The following ABHD17C variants were observed in gnomAD, a reference collection of about 807,000 sequenced individuals.
ABHD17C encodes alpha/beta hydrolase domain-containing protein 17C.
In ABHD17C, 11 loss-of-function variants were observed where a neutral mutation model predicts 27.9. The observed-to-expected ratio is 0.39, with a 90% CI of 0.25 to 0.65. The LOEUF is 0.65. ABHD17C is among the 30% of genes least tolerant of loss of function. The probability of loss-of-function intolerance (pLI) is 0.45; values close to 1 mark genes in which losing one functional copy is unlikely to be tolerated. For missense variants in ABHD17C, 280 were observed against 470.2 expected (o/e 0.60, Z 3.74); for synonymous variants, 233 against 209.1 (o/e 1.11, Z -0.98).
chr15:80,754,049 C>T, intron 2 of ABHD17C, 102 bp from the exon 3 acceptor site: 1 of 940,420 alleles, frequency 1.1e-6, no homozygotes, highest in Middle Eastern at 3.0e-4. Flanking sequence ...TGTTATTTCC[C>T]TGCCTGTGGA....
chr15:80,724,929 A>G (rs1238558656), intron 1 of ABHD17C, among the ~76,000 whole-genome samples: 1 of 152,190 alleles, frequency 6.6e-6, no homozygotes, highest in East Asian at 1.9e-4. Context: ...TTTTATTACA[A>G]ATCCTATCAA....
At chr15:80,738,452 C>T (rs778829216) in intron 1 of ABHD17C, among the ~76,000 whole-genome samples, 16 of 152,038 alleles carry the variant, frequency 1.1e-4, no homozygotes, top group Non-Finnish European at 1.3e-4. Flanking sequence ...GCAAACTGTG[C>T]GGGTTCACAA....
Position 80,754,390 on chromosome 15 carries a change from CCT to C in ABHD17C, c.*22_*23del. On this transcript the variant is annotated 3_prime_UTR_variant, in exon 3 of 3. Transcript: ENST00000258884. The stretch of plus-strand genomic sequence containing the variant: ...TCCTGAAGACAACAACTTGATCTTA[CCT>C]CATTTACTGTGAACAGAAGAGTCCT... 1 of 1,591,590 alleles carries C rather than the reference CCT, an allele frequency of 6.3e-7. No homozygotes were observed. The highest frequency in any genetic ancestry group is 1.8e-4 in the Middle Eastern group (1 of 5,660).
chr15:80,698,928 T>C (rs1443083681), intron 1 of ABHD17C, among the ~76,000 whole-genome samples: 15 of 152,324 alleles, frequency 9.8e-5, no homozygotes, highest in Non-Finnish European at 1.5e-5. Context: ...GTCATCTTCA[T>C]CTCTGTACTT....
At position 80,753,061 on chromosome 15, in the gene ABHD17C, T is replaced by C. The variant is rs114339299; in HGVS notation, c.771-1090T>C. On this transcript the variant is annotated intron_variant, in intron 2 of 2. Transcript: ENST00000258884. The stretch of plus-strand genomic sequence containing the variant: ...ATGAAATGGGGTGTGTATCTTTGAG[T>C]CAATTCTGATGGTAGCTTTCAGAAT... Among the ~76,000 whole-genome samples, 419 of 152,306 alleles carry C rather than the reference T, an allele frequency of 2.8e-3. 5 individuals are homozygous for C. Among genetic ancestry groups the C allele is most frequent in the African/African-American group, 9.8e-3 (406 of 41,576 alleles).
chr15:80,738,445 A>C (rs1194638322), intron 1 of ABHD17C, among the ~76,000 whole-genome samples: 1 of 152,140 alleles, frequency 6.6e-6, no homozygotes, highest in African/African-American at 2.4e-5. Context: ...TCATTGGGCA[A>C]ACTGTGCGGG....
chr15:80,744,806 C>G (rs1895260731), intron 1 of ABHD17C, among the ~76,000 whole-genome samples: 1 of 152,194 alleles, frequency 6.6e-6, no homozygotes, highest in South Asian at 2.1e-4. Context: ...GCTTTCAAGT[C>G]CCTTTTCCAT....
intron 1 of ABHD17C, among the ~76,000 whole-genome samples, chr15:80,702,505 C>A (rs1455717492): frequency 6.6e-6 from 1 of 152,146 alleles, no homozygotes; most frequent in Non-Finnish European, 1.5e-5. Context: ...TTTTCCCCTG[C>A]AGAAGTCACT....
At chr15:80,732,976 G>C (rs1483910283) in intron 1 of ABHD17C, among the ~76,000 whole-genome samples, 4 of 152,164 alleles carry the variant, frequency 2.6e-5, no homozygotes, top group Admixed American at 1.3e-4. Context: ...TACAAGTGCA[G>C]GAGAGAGGAT....
At chr15:80,736,539 T>C (rs747267072) in intron 1 of ABHD17C, among the ~76,000 whole-genome samples, 5 of 152,218 alleles carry the variant, frequency 3.3e-5, no homozygotes, top group Non-Finnish European at 5.9e-5. Context: ...AATTTTTATT[T>C]TTTTAATGTT....
intron 1 of ABHD17C, among the ~76,000 whole-genome samples, chr15:80,729,989 C>T (rs573066081): frequency 1.8e-3 from 267 of 152,106 alleles, no homozygotes; most frequent in African/African-American, 6.2e-3. Context: ...CTTGGTGGTG[C>T]GTGCCTATAA....
intron 1 of ABHD17C, among the ~76,000 whole-genome samples, chr15:80,748,104 G>C (rs1399857217): frequency 6.6e-6 from 1 of 152,166 alleles, no homozygotes; most frequent in Non-Finnish European, 1.5e-5. Flanking sequence ...CAGGTGTGGT[G>C]CTCTCCATAA....
intron 1 of ABHD17C, among the ~76,000 whole-genome samples, chr15:80,743,471 TG>T (rs1895237726): frequency 6.6e-6 from 1 of 152,226 alleles, no homozygotes; most frequent in Non-Finnish European, 1.5e-5. Context: ...ACAAAGGTCA[TG>T]CTGACTAGCA....
chr15:80,716,921 A>G (rs1270745131), intron 1 of ABHD17C, among the ~76,000 whole-genome samples: 3 of 152,166 alleles, frequency 2.0e-5, no homozygotes, highest in African/African-American at 4.8e-5. Flanking sequence ...TAGTGCAGGT[A>G]TGGTCTGACG....
chr15:80,702,530 C>T (rs1894588243), intron 1 of ABHD17C, among the ~76,000 whole-genome samples: 1 of 152,148 alleles, frequency 6.6e-6, no homozygotes, highest in Non-Finnish European at 1.5e-5. Flanking sequence ...TCATACAGTC[C>T]TGAGATTACT....
chr15:80,751,134 G>A (rs1895359685), intron 2 of ABHD17C, among the ~76,000 whole-genome samples: 1 of 151,750 alleles, frequency 6.6e-6, no homozygotes, highest in Admixed American at 6.6e-5. Context: ...TGGATTGCCA[G>A]AATTCAGGAG....
intron 1 of ABHD17C, among the ~76,000 whole-genome samples, chr15:80,726,468 C>G (rs1894977093): frequency 6.8e-6 from 1 of 147,878 alleles, no homozygotes; most frequent in African/African-American, 2.5e-5. Flanking sequence ...CAAGGATTTT[C>G]CCTTCTCCCT....
chr15:80,743,460 C>T (rs1272867218), intron 1 of ABHD17C, among the ~76,000 whole-genome samples: 2 of 152,214 alleles, frequency 1.3e-5, no homozygotes, highest in East Asian at 3.9e-4. Context: ...GCGTCTTTCC[C>T]ACAAAGGTCA....
chr15:80,703,943 T>G (rs1191648221), intron 1 of ABHD17C, among the ~76,000 whole-genome samples: 1 of 152,154 alleles, frequency 6.6e-6, no homozygotes, highest in Non-Finnish European at 1.5e-5. Flanking sequence ...GTAGGCACAG[T>G]AAGAGATTAT....
Sources: gnomAD v4.1 joint callset for allele counts (sites outside exome capture counted in the v4.1 genomes callset) on GRCh38, gnomAD v4.1.1 for gene constraint, MANE v1.5 for transcripts, NCBI Gene and HGNC (gene_info 2026-07-23, HGNC 2026-07-21) for gene names.